The following MMP26 variants were observed in gnomAD, a reference collection of about 807,000 sequenced individuals.
MMP26 encodes matrix metallopeptidase 26, also known as matrix metalloproteinase-26.
Under a neutral mutation model 31.0 loss-of-function variants are expected in MMP26, and 33 were observed. That is an observed-to-expected ratio of 1.06 (90% CI 0.81 to 1.42). The LOEUF is 1.42. Ranked by LOEUF, MMP26 falls within the 40% of genes most tolerant of loss-of-function variation. The probability of loss-of-function intolerance (pLI) is 0.00; values close to 1 mark genes in which losing one functional copy is unlikely to be tolerated. For missense variants in MMP26, 347 were observed against 316.1 expected, an observed-to-expected ratio of 1.10 and a Z score of -0.74; for synonymous variants, 122 against 114.9, an observed-to-expected ratio of 1.06 and a Z score of -0.40.
chr11:4,857,329 C>G (rs550782428), intron 2 of MMP26, among the ~76,000 whole-genome samples: 47 of 151,754 alleles, frequency 3.1e-4, no homozygotes, highest in African/African-American at 1.1e-3. Flanking sequence ...AGACTGCTAG[C>G]AAGACTAATA....
At position 4,816,114 on chromosome 11, in the gene MMP26, A is replaced by T. The variant is rs73403053; in HGVS notation, c.-145+48773A>T. 4.3e-3 allele frequency among the ~76,000 whole-genome samples: 661 copies of T among 152,058 alleles called. 8 individuals are homozygous for T. The highest frequency in any genetic ancestry group is 0.015 in the African/African-American group (619 of 41,486). On this transcript the variant is annotated intron_variant, in intron 2 of 7. Coordinates refer to ENST00000380390, the MANE Select transcript of MMP26 (RefSeq NM_021801.5). Reference sequence around the variant, plus strand: ...AATAAATTGTTTAATTTCTCTGTTGATTTTTTATCAACCTGTTGGTTGTTC... The same window carrying T: ...AATAAATTGTTTAATTTCTCTGTTGTTTTTTTATCAACCTGTTGGTTGTTC...
chr11:4,731,049 A>G (rs566610622), intron 1 of MMP26, among the ~76,000 whole-genome samples: 1 of 152,140 alleles, frequency 6.6e-6, no homozygotes, highest in East Asian at 1.9e-4. Context: ...GGTTCAAGTG[A>G]TTCTCCTGCC....
chr11:4,903,668 G>A (rs955842843), intron 2 of MMP26: 2 of 152,022 alleles, frequency 1.3e-5, no homozygotes, highest in African/African-American at 4.8e-5. Context: ...AACCCTTTCT[G>A]TGTAAGCTTG....
chr11:4,723,220 C>T, intron 1 of MMP26: 1 of 1,392,962 alleles, frequency 7.2e-7, no homozygotes, highest in South Asian at 1.2e-5. Context: ...CTTTGAGGCC[C>T]TCAATCTCAG....
At chr11:4,785,019 A>G (rs544495393) in intron 2 of MMP26, among the ~76,000 whole-genome samples, 1 of 152,282 alleles carries the variant, frequency 6.6e-6, no homozygotes, top group Non-Finnish European at 1.5e-5. Context: ...GGGAGGCAAT[A>G]TAGACTTCAT....
intron 2 of MMP26, among the ~76,000 whole-genome samples, chr11:4,865,602 C>T (rs1850223391): frequency 6.6e-6 from 1 of 151,770 alleles, no homozygotes; most frequent in Admixed American, 6.6e-5. Context: ...CCTCCTCCTC[C>T]TCCTTCTTCT....
Position 4,903,434 on chromosome 11 carries a change from C to T in MMP26, c.-144-84634C>T, listed in dbSNP as rs533129219. On this transcript the variant is annotated intron_variant, in intron 2 of 7. Coordinates refer to ENST00000380390, the MANE Select transcript of MMP26 (RefSeq NM_021801.5). ...TGGATGATTAAGCTAAGATGAAGAACGTTTAAGTGGTTTGACTTAGAATTG... is the reference window on the plus strand; with the variant it reads ...TGGATGATTAAGCTAAGATGAAGAATGTTTAAGTGGTTTGACTTAGAATTG... Among the ~76,000 whole-genome samples, 12 of 152,188 alleles carry T rather than the reference C, an allele frequency of 7.9e-5. No individual in the cohort carries two copies. The South Asian group carries it at 2.3e-3, about 29-fold the overall frequency.
intron 2 of MMP26, among the ~76,000 whole-genome samples, chr11:4,895,693 G>A (rs1850689740): frequency 6.6e-6 from 1 of 152,204 alleles, no homozygotes; most frequent in African/African-American, 2.4e-5. Context: ...GTAGCACAAG[G>A]TGGGAGGATC....
intron 2 of MMP26, among the ~76,000 whole-genome samples, chr11:4,802,208 A>G (rs924658740): frequency 6.6e-6 from 1 of 152,188 alleles, no homozygotes; most frequent in Non-Finnish European, 1.5e-5. Flanking sequence ...AATTGCAGGT[A>G]TTCATTGTTT....
At chr11:4,740,188 A>G (rs1198320526) in intron 1 of MMP26, among the ~76,000 whole-genome samples, 1 of 104,818 alleles carries the variant, frequency 9.5e-6, no homozygotes. Context: ...ATCCTTATTC[A>G]TCAGATAATT....
intron 2 of MMP26, among the ~76,000 whole-genome samples, chr11:4,965,883 A>G (rs1357700598): frequency 6.6e-6 from 1 of 152,184 alleles, no homozygotes; most frequent in African/African-American, 2.4e-5. Context: ...TCCTATGACT[A>G]TGTCTGTTCT....
At chr11:4,800,342 C>G (rs1326842939) in intron 2 of MMP26, among the ~76,000 whole-genome samples, 1 of 152,314 alleles carries the variant, frequency 6.6e-6, no homozygotes, top group East Asian at 1.9e-4. Context: ...AGAGTTACAG[C>G]TGGCACACTC....
chr11:4,923,185 C>T (rs1851209110), intron 2 of MMP26, among the ~76,000 whole-genome samples: 1 of 152,172 alleles, frequency 6.6e-6, no homozygotes, highest in Non-Finnish European at 1.5e-5. Context: ...TATTTCCTTG[C>T]TCATTCTGCA....
At chr11:4,925,755 C>T (rs1851262463) in intron 2 of MMP26, among the ~76,000 whole-genome samples, 1 of 143,680 alleles carries the variant, frequency 7.0e-6, no homozygotes. Context: ...TAAAACCAAG[C>T]CACCACTGTT....
intron 2 of MMP26, among the ~76,000 whole-genome samples, chr11:4,916,866 C>A (rs1464364451): frequency 2.6e-5 from 4 of 152,204 alleles, no homozygotes; most frequent in African/African-American, 7.2e-5. Flanking sequence ...ACCATGGCCA[C>A]ATCCCCAACC....
At chr11:4,978,963 G>T (rs1023522631) in intron 2 of MMP26, among the ~76,000 whole-genome samples, 1 of 152,088 alleles carries the variant, frequency 6.6e-6, no homozygotes, top group African/African-American at 2.4e-5. Flanking sequence ...AAGTAAGCAT[G>T]ATACATTGAG....
chr11:4,911,127 G>A (rs7109669), intron 2 of MMP26, among the ~76,000 whole-genome samples: 32,116 of 152,040 alleles, frequency 0.21, 3,703 homozygotes, highest in East Asian at 0.56. Context: ...ACTGCATTTT[G>A]AGACACCCTC....
intron 2 of MMP26, chr11:4,804,639 T>A (rs1265527061): frequency 1.6e-6 from 1 of 613,988 alleles, no homozygotes; most frequent in East Asian, 3.4e-5. Flanking sequence ...GTGTAACTGT[T>A]TTTTAAGAAT....
chr11:4,787,864 G>A (rs924188785), intron 2 of MMP26, among the ~76,000 whole-genome samples: 2 of 152,100 alleles, frequency 1.3e-5, no homozygotes, highest in Admixed American at 1.3e-4. Flanking sequence ...TCTCCTTTAA[G>A]TACATGCTTT....
Sources: allele counts gnomAD v4.1 joint callset (sites outside exome capture counted in the v4.1 genomes callset), GRCh38; gene constraint gnomAD v4.1.1; transcripts MANE v1.5; gene names NCBI Gene and HGNC (gene_info 2026-07-23, HGNC 2026-07-21).